Variants in ARV1 observed in about 807,000 individuals in gnomAD.
ARV1 encodes the protein protein ARV1.
A neutral mutation model predicts 31.1 loss-of-function variants in ARV1; 26 were observed. The observed-to-expected ratio is 0.84, with a 90% CI of 0.61 to 1.16. ARV1 has a LOEUF of 1.16. Among genes scored for constraint, ARV1 ranks in the 50% most tolerant of loss-of-function variants. ARV1 has a pLI of 0.00. For missense variants in ARV1, 281 were observed against 324.9 expected (o/e 0.86, Z 1.04); for synonymous variants, 117 against 123.2 (o/e 0.95, Z 0.34).
intron 4 of ARV1, among the ~76,000 whole-genome samples, chr1:230,996,634 G>A (rs547688354): frequency 2.0e-5 from 3 of 151,986 alleles, no homozygotes; most frequent in East Asian, 3.9e-4. Flanking sequence ...ACAGGGTTTC[G>A]ACATGTTGCC....
At chr1:230,980,760 C>T (rs1272303386) in intron 1 of ARV1, among the ~76,000 whole-genome samples, 1 of 118,854 alleles carries the variant, frequency 8.4e-6, no homozygotes, top group African/African-American at 3.2e-5. Context: ...TTACTTCTTC[C>T]ATCAAAAAAA....
chr1:230,986,394 C>T (rs35824352), intron 1 of ARV1, among the ~76,000 whole-genome samples: 33,854 of 152,100 alleles, frequency 0.22, 3,965 homozygotes, highest in East Asian at 0.4. Context: ...CGGTATTCTT[C>T]AGTGCCCTTC....
At chr1:230,983,824 T>C (rs2103043701) in intron 1 of ARV1, among the ~76,000 whole-genome samples, 1 of 152,298 alleles carries the variant, frequency 6.6e-6, no homozygotes. Flanking sequence ...ATTCCCAGAG[T>C]ATGCTTGGTC....
At position 231,000,564 on chromosome 1, in the gene ARV1, C is replaced by T. The variant is rs896621438; in HGVS notation, c.*431C>T. The stretch of plus-strand genomic sequence containing the variant: ...ATATTTTGTGTTCTTACAATAGAAA[C>T]GCTTTTAATAAAGTCTTTCAGAATA... On this transcript the variant is annotated 3_prime_UTR_variant, in exon 6 of 6. Transcript: ENST00000310256. 4 of 152,122 alleles carry T rather than the reference C, an allele frequency of 2.6e-5. No individual in the cohort carries two copies. Among genetic ancestry groups the T allele is most frequent in the East Asian group, 1.9e-4 (1 of 5,204 alleles). The allele number at this position is 152,122 out of a possible 1,614,324, so 9.4% of individuals were successfully genotyped here.
intron 2 of ARV1, 53 bp downstream of exon 2, chr1:230,988,492 A>G: frequency 7.2e-7 from 1 of 1,396,322 alleles, no homozygotes; most frequent in Non-Finnish European, 9.7e-7. Context: ...TTACATTTTA[A>G]AAGAATAATA....
intron 1 of ARV1, among the ~76,000 whole-genome samples, chr1:230,986,041 G>A (rs1311523464): frequency 1.3e-5 from 2 of 151,558 alleles, no homozygotes; most frequent in African/African-American, 4.9e-5. Flanking sequence ...GCCTCATCCT[G>A]TAGTTGCTGG....
At chr1:230,998,047 G>C (rs111880083) in intron 5 of ARV1, among the ~76,000 whole-genome samples, 1,937 of 152,268 alleles carry the variant, frequency 0.013, 38 homozygotes, top group African/African-American at 0.044. Flanking sequence ...ACGTCAGTTC[G>C]TCTTCGGTCT....
intron 1 of ARV1, among the ~76,000 whole-genome samples, 195 bp from the exon 2 acceptor site, chr1:230,988,125 G>A (rs1417041863): frequency 4.6e-5 from 7 of 152,102 alleles, no homozygotes; most frequent in Admixed American, 6.6e-5. Flanking sequence ...TAGCCTAGAA[G>A]ATTATATTTA....
At chr1:230,998,364 A>G (rs988932102) in intron 5 of ARV1, among the ~76,000 whole-genome samples, 1 of 152,074 alleles carries the variant, frequency 6.6e-6, no homozygotes, top group Non-Finnish European at 1.5e-5. Context: ...TGCCTCTCCT[A>G]ACATGCCATC....
chr1:230,993,596 G>A (rs1679287365), intron 3 of ARV1, among the ~76,000 whole-genome samples: 1 of 152,098 alleles, frequency 6.6e-6, no homozygotes, highest in African/African-American at 2.4e-5. Flanking sequence ...AGACTGTATA[G>A]TCCAAAAGAA....
intron 1 of ARV1, chr1:230,979,638 C>T (rs1008470519): frequency 1.5e-5 from 4 of 260,810 alleles, no homozygotes; most frequent in Admixed American, 6.1e-5. Flanking sequence ...ACCATCCTTA[C>T]CCTCCACAAC....
At chr1:230,996,485 C>T (rs1035035208) in intron 4 of ARV1, among the ~76,000 whole-genome samples, 1 of 152,018 alleles carries the variant, frequency 6.6e-6, no homozygotes, top group Non-Finnish European at 1.5e-5. Flanking sequence ...GTCACTTGGT[C>T]ACCCAGGCTA....
At chr1:230,990,347 T>TGTTGGTAAGAAGA in intron 3 of ARV1, 84 bp downstream of exon 3, 1 of 1,533,998 alleles carries the variant, frequency 6.5e-7, no homozygotes, top group Non-Finnish European at 8.9e-7. Flanking sequence ...TAGTCTTAAT[T>TGTTGGTAAGAAGA]GTTGGTAAGA....
intron 1 of ARV1, among the ~76,000 whole-genome samples, chr1:230,987,734 T>C (rs975998885): frequency 6.6e-6 from 1 of 152,218 alleles, no homozygotes; most frequent in South Asian, 2.1e-4. Context: ...TCTTTCCATA[T>C]CCTTGATGTT....
chr1:230,986,111 A>G (rs1221821451), intron 1 of ARV1, among the ~76,000 whole-genome samples: 1 of 151,306 alleles, frequency 6.6e-6, no homozygotes, highest in East Asian at 1.9e-4. Flanking sequence ...TTTAGTAGAG[A>G]TGGGGTTTCA....
At position 230,997,213 on chromosome 1, in the gene ARV1, G is replaced by A. The variant is rs963846791; in HGVS notation, c.766G>A (p.Glu256Lys). 6.2e-7 allele frequency: 1 copy of A among 1,613,856 alleles called. No homozygotes were observed. Among genetic ancestry groups the A allele is most frequent in the Non-Finnish European group, 8.5e-7 (1 of 1,179,870 alleles). ...SIMVYFFQSM[E>K]WDVGSDYAIF... Reference sequence around the variant, plus strand: ...CATGGTCTACTTCTTCCAGAGTATGGAATGGGATGTTGGAAGTGATTATGC... The same window carrying A: ...CATGGTCTACTTCTTCCAGAGTATGAAATGGGATGTTGGAAGTGATTATGC... The change falls in exon 5 of 6, where the codon GAA becomes AAA. Residue 256 changes from glutamate to lysine, a missense_variant. Glu to Lys is a moderately conservative substitution (Grantham distance 56). Transcript: ENST00000310256.
Position 230,979,223 on chromosome 1 carries a change from G to C in ARV1, c.118G>C (p.Glu40Gln). 1 of 1,613,662 alleles carries C rather than the reference G, an allele frequency of 6.2e-7. No individual in the cohort carries two copies. Among genetic ancestry groups the C allele is most frequent in the Non-Finnish European group, 8.5e-7 (1 of 1,179,816 alleles). The change falls in exon 1 of 6, where the codon GAG (glutamate) becomes CAG (glutamine). Residue 40 changes from glutamate to glutamine, a missense_variant. By Grantham distance (29) the Glu-to-Gln change is conservative (BLOSUM62 2). Transcript: ENST00000310256. ...CQYRCIECNQ[E>Q]AKELYRDYNH... ...GTACAGGTGCATCGAATGCAACCAGGAGGCCAAAGAGTTGTACCGAGACTA... is the reference window on the plus strand; with the variant it reads ...GTACAGGTGCATCGAATGCAACCAGCAGGCCAAAGAGTTGTACCGAGACTA...
rs368169867 is a variant in ARV1, at chr1:230,997,139, G to A, written c.692G>A (p.Arg231His). 3.1e-5 allele frequency: 50 copies of A among 1,613,830 alleles called. No individual in the cohort carries two copies. Among genetic ancestry groups the A allele is most frequent in the Non-Finnish European group, 4.0e-5 (47 of 1,179,974 alleles). Reference sequence around the variant, plus strand: ...TTTCCAGTGACCCTAAACATCAACCGTAAGCTCTCCTTCTTGGCCGTGTTG... The same window carrying A: ...TTTCCAGTGACCCTAAACATCAACCATAAGCTCTCCTTCTTGGCCGTGTTG... ...QAIRVTLNIN[R>H]KLSFLAVLSG... The change falls in exon 5 of 6, where the codon CGT becomes CAT. Residue 231 changes from arginine (R) to histidine (H), a missense_variant. By Grantham distance (29) the Arg-to-His change is conservative. Coordinates refer to ENST00000310256, the MANE Select transcript of ARV1 (RefSeq NM_022786.3).
intron 1 of ARV1, among the ~76,000 whole-genome samples, chr1:230,984,216 C>T (rs955064007): frequency 1.3e-5 from 2 of 152,156 alleles, no homozygotes; most frequent in Non-Finnish European, 2.9e-5. Context: ...TGCCACTGCA[C>T]TCCAGGCCTA....
Sources: gnomAD v4.1 joint callset for allele counts (sites outside exome capture counted in the v4.1 genomes callset) on GRCh38, gnomAD v4.1.1 for gene constraint, MANE v1.5 for transcripts, NCBI Gene and HGNC (gene_info 2026-07-23, HGNC 2026-07-21) for gene names.